Variants in FGF14 observed in about 807,000 individuals in gnomAD.
The protein encoded by FGF14 is fibroblast growth factor homologous factor 4.
In FGF14, 5 loss-of-function variants were observed where a neutral mutation model predicts 25.5. That is an observed-to-expected ratio of 0.20 (90% CI 0.10 to 0.41). The LOEUF is 0.41. Among genes scored for constraint, FGF14 ranks in the 10% least tolerant of loss-of-function variants. The pLI is 1.00. For missense variants in FGF14, 222 were observed against 320.1 expected, an observed-to-expected ratio of 0.69 and a Z score of 2.34; for synonymous variants, 138 against 118.3, an observed-to-expected ratio of 1.17 and a Z score of -1.08.
chr13:101,801,911 A>C (rs551901776), intron 3 of FGF14: 68 of 427,114 alleles, frequency 1.6e-4, no homozygotes, highest in African/African-American at 1.4e-3. Flanking sequence ...ACCAAAGGGT[A>C]AGATGTCTGC....
At chr13:101,836,037 G>A (rs911495479) in intron 3 of FGF14, among the ~76,000 whole-genome samples, 1 of 152,056 alleles carries the variant, frequency 6.6e-6, no homozygotes, top group African/African-American at 2.4e-5. Flanking sequence ...GTGATAAGCA[G>A]CAGAATAGTG....
chr13:102,024,208 T>TC (rs2139886926), intron 1 of FGF14, among the ~76,000 whole-genome samples: 1 of 152,210 alleles, frequency 6.6e-6, no homozygotes, highest in South Asian at 2.1e-4. Context: ...GTATGTGTTT[T>TC]CCAAAGTGTC....
intron 1 of FGF14, among the ~76,000 whole-genome samples, chr13:102,331,039 T>C (rs1411665698): frequency 6.6e-6 from 1 of 152,220 alleles, no homozygotes; most frequent in Non-Finnish European, 1.5e-5. Flanking sequence ...GCAACTTTGG[T>C]GCTTGGACGT....
intron 1 of FGF14, among the ~76,000 whole-genome samples, chr13:101,932,562 T>C (rs1189132557): frequency 7.4e-6 from 1 of 134,758 alleles, no homozygotes; most frequent in Non-Finnish European, 1.5e-5. Flanking sequence ...AAAAAGAAAT[T>C]ACAAAACATA....
chr13:101,990,203 T>C (rs1035843226), intron 1 of FGF14, among the ~76,000 whole-genome samples: 4 of 152,100 alleles, frequency 2.6e-5, no homozygotes, highest in Non-Finnish European at 4.4e-5. Flanking sequence ...TGCCACTGCC[T>C]ACACCAAACA....
chr13:101,714,330 G>T lies in FGF14; in HGVS notation c.*8501C>A. ...AGCCATTCAATACACTTTTACCTTT[G>T]GATGATGGGTTATTAGAAGCCTGTT... On this transcript the variant is annotated 3_prime_UTR_variant, in exon 5 of 5. Transcript: ENST00000376143. 1 of 735,306 alleles carries T rather than the reference G, an allele frequency of 1.4e-6. No individual in the cohort carries two copies. Among genetic ancestry groups the T allele is most frequent in the Non-Finnish European group, 2.5e-6 (1 of 406,286 alleles). The allele number at this position is 735,306 out of a possible 1,614,324, so 45.5% of individuals were successfully genotyped here. A position where few individuals can be genotyped will look rare whatever the true frequency, so the allele number is the denominator to read the frequency against.
chr13:101,842,897 A>G (rs982034172), intron 3 of FGF14, among the ~76,000 whole-genome samples: 13 of 152,208 alleles, frequency 8.5e-5, no homozygotes, highest in African/African-American at 3.1e-4. Flanking sequence ...CTTTGAGGAT[A>G]AAAGAGGGTG....
intron 1 of FGF14, among the ~76,000 whole-genome samples, chr13:102,206,846 A>C (rs1421224258): frequency 1.3e-5 from 2 of 152,204 alleles, no homozygotes; most frequent in Non-Finnish European, 2.9e-5. Context: ...TAAATATTCT[A>C]ATCAGGTGAA....
At chr13:102,177,630 AT>A (rs768822583) in intron 1 of FGF14, among the ~76,000 whole-genome samples, 2 of 152,098 alleles carry the variant, frequency 1.3e-5, no homozygotes, top group Non-Finnish European at 2.9e-5. Flanking sequence ...TCAGCAAGTT[AT>A]TCCCAGAAAA....
intron 1 of FGF14, among the ~76,000 whole-genome samples, chr13:102,223,568 T>C (rs1240600660): frequency 6.6e-6 from 1 of 152,220 alleles, no homozygotes; most frequent in Non-Finnish European, 1.5e-5. Context: ...TTATTTACGA[T>C]GGCCTACGGC....
intron 1 of FGF14, among the ~76,000 whole-genome samples, chr13:102,058,686 A>G (rs1401584471): frequency 1.3e-5 from 2 of 152,196 alleles, no homozygotes; most frequent in Non-Finnish European, 2.9e-5. Flanking sequence ...AGATAATGCA[A>G]TACCTAGTTT....
At chr13:102,204,876 A>G (rs909949305) in intron 1 of FGF14, among the ~76,000 whole-genome samples, 1 of 152,196 alleles carries the variant, frequency 6.6e-6, no homozygotes, top group South Asian at 2.1e-4. Flanking sequence ...GGCCAAGATG[A>G]TTATATCACA....
chr13:101,891,937 T>C (rs1469555776), intron 1 of FGF14, among the ~76,000 whole-genome samples: 1 of 152,026 alleles, frequency 6.6e-6, no homozygotes, highest in Non-Finnish European at 1.5e-5. Flanking sequence ...GAGAAAGAAG[T>C]TGAGAGGTGA....
At chr13:102,200,938 T>A in intron 1 of FGF14, among the ~76,000 whole-genome samples, 1 of 151,482 alleles carries the variant, frequency 6.6e-6, no homozygotes, top group East Asian at 1.9e-4. Context: ...CCGTCTCTAC[T>A]AAAAACACAA....
chr13:102,077,437 C>T (rs941296690), intron 1 of FGF14, among the ~76,000 whole-genome samples: 1 of 151,958 alleles, frequency 6.6e-6, no homozygotes, highest in Non-Finnish European at 1.5e-5. Flanking sequence ...AACTCATATA[C>T]CTCAGTAGTA....
chr13:101,828,881 G>A (rs369858337), intron 3 of FGF14, among the ~76,000 whole-genome samples: 62 of 152,178 alleles, frequency 4.1e-4, no homozygotes, highest in South Asian at 2.5e-3. Flanking sequence ...TAGTTCCACC[G>A]TAGTTCCCTC....
At chr13:101,922,163 G>A (rs2034050558) in intron 1 of FGF14, among the ~76,000 whole-genome samples, 1 of 152,154 alleles carries the variant, frequency 6.6e-6, no homozygotes, top group African/African-American at 2.4e-5. Flanking sequence ...TACCAAATAA[G>A]AGGAACAGAA....
intron 1 of FGF14, among the ~76,000 whole-genome samples, chr13:102,326,456 G>A (rs16951755): frequency 0.04 from 6,095 of 152,094 alleles, 422 homozygotes; most frequent in African/African-American, 0.14. Context: ...GGACATATTA[G>A]TGATTGGTAA....
chr13:101,719,640 G>A lies in FGF14; in HGVS notation c.*3191C>T, dbSNP rs1348873159. ...CATTTCTGAGCGTTGTTGAGGGACT[G>A]GCAAAGCAATCAGCTACTATAACAA... On this transcript the variant is annotated 3_prime_UTR_variant, in exon 5 of 5. Transcript: ENST00000376143. The A allele has an allele frequency of 6.6e-6, 1 of 152,042 alleles. No homozygotes were observed. The allele number at this position is 152,042 out of a possible 1,614,324, so 9.4% of individuals were successfully genotyped here. A position where few individuals can be genotyped will look rare whatever the true frequency, so the allele number is the denominator to read the frequency against.
Sources: gnomAD v4.1 joint callset for allele counts (sites outside exome capture counted in the v4.1 genomes callset) on GRCh38, gnomAD v4.1.1 for gene constraint, MANE v1.5 for transcripts, NCBI Gene and HGNC (gene_info 2026-07-23, HGNC 2026-07-21) for gene names.